Variants in HDAC9 observed in about 807,000 individuals in gnomAD.
The protein encoded by HDAC9 is histone deacetylase 9, also known as MEF-2 interacting transcription repressor (MITR) protein.
A neutral mutation model predicts 139.4 loss-of-function variants in HDAC9; 41 were observed. That is an observed-to-expected ratio of 0.29 (90% CI 0.23 to 0.38). The LOEUF is 0.38. Among genes scored for constraint, HDAC9 ranks in the 10% least tolerant of loss-of-function variants. HDAC9 has a pLI of 1.00. For synonymous variants in HDAC9, 517 were observed against 476.2 expected, an observed-to-expected ratio of 1.09 and a Z score of -1.12; for missense variants, 1,147 against 1,297.0, an observed-to-expected ratio of 0.88 and a Z score of 1.78.
chr7:18,981,189 C>T (rs1256412890), intron 25 of HDAC9, among the ~76,000 whole-genome samples: 2 of 152,122 alleles, frequency 1.3e-5, no homozygotes, highest in African/African-American at 4.8e-5. Flanking sequence ...AGAGCCTATA[C>T]TTGGGCATCT....
At chr7:18,207,152 G>A (rs1791581755) in intron 2 of HDAC9, among the ~76,000 whole-genome samples, 1 of 151,896 alleles carries the variant, frequency 6.6e-6, no homozygotes, top group African/African-American at 2.4e-5. Context: ...TGCCCAGGGT[G>A]GTCTCGAACT....
chr7:18,839,388 TACTC>T (rs912505978), intron 21 of HDAC9, among the ~76,000 whole-genome samples: 5 of 152,196 alleles, frequency 3.3e-5, no homozygotes, highest in African/African-American at 1.2e-4. Context: ...TGACTTAAAA[TACTC>T]AGGAGTAATA....
chr7:18,730,667 G>A (rs140932034), intron 13 of HDAC9, among the ~76,000 whole-genome samples: 1 of 152,278 alleles, frequency 6.6e-6, no homozygotes, highest in East Asian at 1.9e-4. Flanking sequence ...CTTTTCACAT[G>A]CTGTGGCCAT....
intron 1 of HDAC9, among the ~76,000 whole-genome samples, chr7:18,460,466 G>A (rs189662320): frequency 5.9e-5 from 9 of 151,994 alleles, no homozygotes; most frequent in Admixed American, 1.3e-4. Flanking sequence ...TATGGAATTC[G>A]AATTCATTCT....
chr7:18,494,035 C>A (rs900299954), upstream of HDAC9, among the ~76,000 whole-genome samples: 3 of 151,974 alleles, frequency 2.0e-5, no homozygotes, highest in Non-Finnish European at 4.4e-5. Flanking sequence ...TGTTTCTATC[C>A]TTTGAATTTT....
chr7:18,330,589 C>A (rs1329815577), intron 1 of HDAC9, among the ~76,000 whole-genome samples: 1 of 151,234 alleles, frequency 6.6e-6, no homozygotes, highest in Admixed American at 6.6e-5. Context: ...TATTTCTATA[C>A]CTCAGGAGGG....
At chr7:18,258,364 C>T (rs537348448) in intron 2 of HDAC9, among the ~76,000 whole-genome samples, 5 of 152,164 alleles carry the variant, frequency 3.3e-5, no homozygotes, top group African/African-American at 7.2e-5. Context: ...TTTGGGGAAC[C>T]GGTGGTGTTT....
intron 1 of HDAC9, among the ~76,000 whole-genome samples, chr7:18,404,128 A>G (rs1787792484): frequency 6.6e-6 from 1 of 152,242 alleles, no homozygotes; most frequent in Non-Finnish European, 1.5e-5. Context: ...ACGTATCTTC[A>G]AATTTCTTCT....
chr7:18,552,781 A>G (rs897029658), intron 2 of HDAC9, among the ~76,000 whole-genome samples: 2 of 152,230 alleles, frequency 1.3e-5, no homozygotes, highest in East Asian at 1.9e-4. Flanking sequence ...TCTAGAAGCA[A>G]TTGTTCAGAG....
chr7:18,289,573 C>T (rs1234770396), upstream of HDAC9, among the ~76,000 whole-genome samples: 1 of 152,124 alleles, frequency 6.6e-6, no homozygotes, highest in Non-Finnish European at 1.5e-5. Flanking sequence ...ATTTGGTTTT[C>T]AGACTTTTTT....
intron 1 of HDAC9, among the ~76,000 whole-genome samples, chr7:18,106,984 C>G (rs1783258914): frequency 6.6e-6 from 1 of 152,142 alleles, no homozygotes; most frequent in Non-Finnish European, 1.5e-5. Flanking sequence ...CCTTTGCAAT[C>G]AGAAAATCTT....
chr7:18,657,112 G>T (rs533977307), intron 11 of HDAC9, among the ~76,000 whole-genome samples: 1 of 151,952 alleles, frequency 6.6e-6, no homozygotes, highest in Non-Finnish European at 1.5e-5. Context: ...TCTTTTGTCC[G>T]TTTTAAAATC....
intron 1 of HDAC9, among the ~76,000 whole-genome samples, chr7:18,413,528 A>G (rs533637605): frequency 3.9e-5 from 6 of 152,144 alleles, no homozygotes; most frequent in Non-Finnish European, 8.8e-5. Flanking sequence ...GTTTATTACT[A>G]CATCAACAGT....
At chr7:18,995,397 G>T (rs931743128) in intron 25 of HDAC9, among the ~76,000 whole-genome samples, 1 of 152,216 alleles carries the variant, frequency 6.6e-6, no homozygotes, top group Non-Finnish European at 1.5e-5. Flanking sequence ...TAAATCTCAA[G>T]TATAAATTTT....
intron 21 of HDAC9, among the ~76,000 whole-genome samples, chr7:18,854,365 T>C (rs1797520102): frequency 6.6e-6 from 1 of 152,194 alleles, no homozygotes; most frequent in Non-Finnish European, 1.5e-5. Flanking sequence ...CTGAATTTTA[T>C]TTTTGCTGTC....
intron 13 of HDAC9, among the ~76,000 whole-genome samples, chr7:18,742,946 T>C (rs1304748067): frequency 6.6e-6 from 1 of 152,226 alleles, no homozygotes; most frequent in Non-Finnish European, 1.5e-5. Flanking sequence ...GACCAGTGTC[T>C]TTTGACTTTT....
chr7:18,257,671 G>C (rs989238675), intron 2 of HDAC9, among the ~76,000 whole-genome samples: 2 of 152,058 alleles, frequency 1.3e-5, no homozygotes, highest in African/African-American at 4.8e-5. Context: ...ACCAACTCTA[G>C]GCAGAAATAA....
chr7:18,393,137 T>TAAAA (rs1554402500), intron 1 of HDAC9, among the ~76,000 whole-genome samples: 1 of 127,454 alleles, frequency 7.8e-6, no homozygotes, highest in Admixed American at 8.1e-5. Flanking sequence ...TTTTTTTTTT[T>TAAAA]AAAAAAACAT....
intron 1 of HDAC9, among the ~76,000 whole-genome samples, chr7:18,352,144 C>T (rs913274533): frequency 6.6e-6 from 1 of 152,276 alleles, no homozygotes; most frequent in Non-Finnish European, 1.5e-5. Flanking sequence ...TTTGTGTGAC[C>T]TTCAGTTATC....
Sources: gnomAD v4.1 joint callset for allele counts (sites outside exome capture counted in the v4.1 genomes callset) on GRCh38, gnomAD v4.1.1 for gene constraint, MANE v1.5 for transcripts, NCBI Gene and HGNC (gene_info 2026-07-23, HGNC 2026-07-21) for gene names.